PDE7B: variants seen among roughly 807,000 people sequenced by gnomAD.
PDE7B encodes the protein 3',5'-cyclic-AMP phosphodiesterase 7B.
Under a neutral mutation model 56.2 loss-of-function variants are expected in PDE7B, and 29 were observed. The ratio of observed to expected loss-of-function variants is 0.52; its 90% CI spans 0.38 to 0.70. The LOEUF (loss-of-function observed/expected upper bound fraction) is 0.70, where lower values mean the gene tolerates loss of function less well. PDE7B is among the 30% of genes least tolerant of loss of function. PDE7B has a pLI of 0.00. For synonymous variants in PDE7B, 197 were observed against 196.9 expected (o/e 1.00, Z 0.00); for missense variants, 490 against 565.0 (o/e 0.87, Z 1.35).
chr6:136,145,614 T>C (rs1434460739), intron 3 of PDE7B, among the ~76,000 whole-genome samples: 1 of 152,178 alleles, frequency 6.6e-6, no homozygotes, highest in African/African-American at 2.4e-5. Context: ...ACTCTCAGTC[T>C]TCATGGTACC....
intron 2 of PDE7B, among the ~76,000 whole-genome samples, chr6:136,016,329 C>T (rs1483688906): frequency 6.6e-6 from 1 of 152,164 alleles, no homozygotes; most frequent in East Asian, 1.9e-4. Flanking sequence ...TTTTCTATGG[C>T]ATTTGAATAT....
intron 8 of PDE7B, among the ~76,000 whole-genome samples, chr6:136,170,737 G>A (rs531111326): frequency 4.2e-4 from 64 of 152,222 alleles, no homozygotes; most frequent in African/African-American, 1.5e-3. Context: ...AACTCTGTAC[G>A]GAGTCCTGAG....
intron 1 of PDE7B, among the ~76,000 whole-genome samples, chr6:135,937,890 T>A (rs944594355): frequency 2.0e-5 from 3 of 152,192 alleles, no homozygotes; most frequent in African/African-American, 7.2e-5. Context: ...TTGTATCTTG[T>A]ACACACTACC....
At chr6:136,121,974 T>C (rs937214088) in intron 3 of PDE7B, among the ~76,000 whole-genome samples, 2 of 151,998 alleles carry the variant, frequency 1.3e-5, no homozygotes, top group East Asian at 3.9e-4. Context: ...ACCAGACCAG[T>C]GATGGTCTTG....
At chr6:135,944,626 T>G (rs1426529775) in intron 1 of PDE7B, among the ~76,000 whole-genome samples, 1 of 152,156 alleles carries the variant, frequency 6.6e-6, no homozygotes, top group African/African-American at 2.4e-5. Context: ...TGAGCTTGTC[T>G]AGCCAGTGAA....
At position 135,974,758 on chromosome 6, in the gene PDE7B, C is replaced by T. The variant is rs529054539; in HGVS notation, c.82+27234C>T. ...TATTATAGCTATCTTTACAGCTACA[C>T]AATCATCATGATCTTGCAAATCTGG... On this transcript the variant is annotated intron_variant, in intron 2 of 12. Coordinates refer to ENST00000308191, the MANE Select transcript of PDE7B (RefSeq NM_018945.4). Among the ~76,000 whole-genome samples, 21 of 152,338 alleles carry T rather than the reference C, an allele frequency of 1.4e-4. No individual in the cohort carries two copies. In the South Asian group the frequency reaches 4.1e-3, roughly 30 times the overall value.
At chr6:135,934,897 TTAA>T (rs1483942581) in intron 1 of PDE7B, among the ~76,000 whole-genome samples, 1 of 102,522 alleles carries the variant, frequency 9.8e-6, no homozygotes, top group Non-Finnish European at 1.7e-5. Flanking sequence ...AAATATATAT[TTAA>T]ATATATATAA....
intron 2 of PDE7B, among the ~76,000 whole-genome samples, chr6:136,088,133 T>G (rs568050895): frequency 5.9e-5 from 9 of 152,136 alleles, no homozygotes; most frequent in Non-Finnish European, 1.3e-4. Context: ...TTAAACCTAG[T>G]AAGTAGACTG....
At chr6:135,878,470 C>T (rs1388663776) in intron 1 of PDE7B, among the ~76,000 whole-genome samples, 1 of 152,096 alleles carries the variant, frequency 6.6e-6, no homozygotes, top group Non-Finnish European at 1.5e-5. Flanking sequence ...AATGTAGGTC[C>T]ACTTTACTTT....
intron 1 of PDE7B, among the ~76,000 whole-genome samples, chr6:135,938,735 G>T (rs1437223014): frequency 1.3e-5 from 2 of 152,186 alleles, no homozygotes; most frequent in African/African-American, 4.8e-5. Context: ...CTCTGAGCCT[G>T]CACCACGCCA....
chr6:136,134,452 T>C (rs1484177794), intron 3 of PDE7B, among the ~76,000 whole-genome samples: 1 of 152,104 alleles, frequency 6.6e-6, no homozygotes, highest in Non-Finnish European at 1.5e-5. Context: ...TGCTGTAACA[T>C]TTCAAACTCT....
At chr6:136,148,450 A>AGGGT (rs1195143198) in intron 4 of PDE7B, among the ~76,000 whole-genome samples, 1 of 19,310 alleles carries the variant, frequency 5.2e-5, no homozygotes, top group East Asian at 2.2e-3. Flanking sequence ...GGAGGGTGGG[A>AGGGT]GGGAGGGAGG....
At chr6:136,153,388 G>A (rs910891340) in intron 6 of PDE7B, among the ~76,000 whole-genome samples, 7 of 152,182 alleles carry the variant, frequency 4.6e-5, no homozygotes, top group Non-Finnish European at 7.4e-5. Context: ...CCTTGGTTAT[G>A]AGCTGAAGCA....
rs1307466750 is a variant in PDE7B, at chr6:135,857,031, TC to T, written c.21+5015del. On this transcript the variant is annotated intron_variant, in intron 1 of 12. Coordinates refer to ENST00000308191, the MANE Select transcript of PDE7B (RefSeq NM_018945.4). ...CTGCCCTCTTACTCCTTTTCCTCCC[TC>T]CCTCCCTCCCTCCCTCCCTCCCTTC... is the stretch of plus-strand genomic sequence containing the variant. 7.1e-4 allele frequency among the ~76,000 whole-genome samples: 15 copies of T among 21,256 alleles called. 1 individual carries two copies. In the Middle Eastern group the frequency reaches 0.094, roughly 133 times the overall value. The allele number at this position is 21,256 out of a possible 152,430, so 13.9% of individuals were successfully genotyped here.
chr6:135,855,031 T>C (rs1239972747), intron 1 of PDE7B, among the ~76,000 whole-genome samples: 2 of 152,152 alleles, frequency 1.3e-5, no homozygotes. Context: ...GAAAGGGCGG[T>C]GAACAGAGGT....
chr6:135,949,630 T>C (rs1194365816), intron 2 of PDE7B, among the ~76,000 whole-genome samples: 2 of 152,134 alleles, frequency 1.3e-5, no homozygotes, highest in Non-Finnish European at 2.9e-5. Context: ...AGAGAAGCTC[T>C]ATCTTTCAAA....
chr6:135,984,083 T>G (rs555170608), intron 2 of PDE7B, among the ~76,000 whole-genome samples: 205 of 152,346 alleles, frequency 1.3e-3, no homozygotes, highest in Non-Finnish European at 2.2e-3. Context: ...GGCAATTCTT[T>G]CATCCACCTA....
chr6:135,979,121 T>C lies in PDE7B; in HGVS notation c.82+31597T>C, dbSNP rs897729296. On this transcript the variant is annotated intron_variant, in intron 2 of 12. Coordinates refer to ENST00000308191, the MANE Select transcript of PDE7B (RefSeq NM_018945.4). ...AATTTTGTCAAAGGCCTTTTCTGCA[T>C]CTATTGAGATAATCATGTGGTTTTT... Among the ~76,000 whole-genome samples the C allele has an allele frequency of 7.2e-5, 11 of 151,958 alleles. 1 individual carries two copies. The highest frequency in any genetic ancestry group is 2.4e-4 in the African/African-American group (10 of 41,232).
chr6:135,963,173 C>T (rs9389350), intron 2 of PDE7B, among the ~76,000 whole-genome samples: 44,774 of 152,100 alleles, frequency 0.29, 8,145 homozygotes, highest in Admixed American at 0.47. Context: ...GAGACACAGC[C>T]TGCCTCTGCC....
Sources: allele counts gnomAD v4.1 joint callset (sites outside exome capture counted in the v4.1 genomes callset), GRCh38; gene constraint gnomAD v4.1.1; transcripts MANE v1.5; gene names NCBI Gene and HGNC (gene_info 2026-07-23, HGNC 2026-07-21).